CAMK2D: variants seen among roughly 807,000 people sequenced by gnomAD.
The protein encoded by CAMK2D is calcium/calmodulin-dependent protein kinase type II subunit delta.
CAMK2D carries 37 observed loss-of-function variants against 84.0 expected under a neutral mutation model. That is an observed-to-expected ratio of 0.44 (90% confidence interval 0.34 to 0.58). The LOEUF is 0.58. CAMK2D is among the 20% of genes least tolerant of loss of function. CAMK2D has a pLI of 0.02. For missense variants in CAMK2D, 448 were observed against 652.5 expected (o/e 0.69, Z 3.41); for synonymous variants, 202 against 212.5 (o/e 0.95, Z 0.43).
rs2154098164 is a variant in CAMK2D, at chr4:113,453,539, T to C, written c.*1006A>G. 1 of 152,336 alleles carries C rather than the reference T, an allele frequency of 6.6e-6. No individual in the cohort carries two copies. The highest frequency in any genetic ancestry group is 1.5e-5 in the Non-Finnish European group (1 of 68,024). 9.4% of individuals were successfully genotyped at this position (152,336 alleles called of 1,614,324 possible). A position where few individuals can be genotyped will look rare whatever the true frequency, so the allele number is the denominator to read the frequency against. ...CCAAACTAGAGCTTAAGCAGAATTA[T>C]AAACCTTTAAAATCTTGACAACATT... On this transcript the variant is annotated 3_prime_UTR_variant, in exon 21 of 21. Coordinates refer to ENST00000511664, the MANE Select transcript of CAMK2D (RefSeq NM_001321571.2).
intron 16 of CAMK2D, among the ~76,000 whole-genome samples, chr4:113,494,160 C>T (rs1414380254): frequency 6.6e-6 from 1 of 152,244 alleles, no homozygotes; most frequent in Non-Finnish European, 1.5e-5. Context: ...ATTCTCCATC[C>T]AGCTTTGTTC....
chr4:113,715,975 C>A (rs2099512151), intron 2 of CAMK2D, among the ~76,000 whole-genome samples: 1 of 152,124 alleles, frequency 6.6e-6, no homozygotes, highest in Admixed American at 6.5e-5. Context: ...TGCCACATCA[C>A]CGGAGACTGA....
intron 13 of CAMK2D, chr4:113,508,198 T>TTTTC: frequency 2.0e-6 from 3 of 1,471,686 alleles, no homozygotes; most frequent in Non-Finnish European, 2.8e-6. Context: ...TAAGTGTGAA[T>TTTTC]TTTCACAGGA....
chr4:113,492,595 G>C (rs898469091), intron 16 of CAMK2D, among the ~76,000 whole-genome samples: 1 of 151,632 alleles, frequency 6.6e-6, no homozygotes, highest in African/African-American at 2.4e-5. Context: ...GTGTGGTGTG[G>C]TGCTGAAAAA....
intron 2 of CAMK2D, among the ~76,000 whole-genome samples, chr4:113,735,395 A>T (rs571082756): frequency 2.7e-5 from 4 of 148,504 alleles, no homozygotes; most frequent in Non-Finnish European, 4.4e-5. Flanking sequence ...GGATCGCTTG[A>T]GCCCGCGAGG....
chr4:113,503,593 C>G (rs191490565), intron 14 of CAMK2D, among the ~76,000 whole-genome samples: 434 of 152,250 alleles, frequency 2.9e-3, no homozygotes, highest in African/African-American at 9.7e-3. Context: ...AACTAATCTA[C>G]TAATCTAGAA....
In CAMK2D at chr4:113,609,225, A is replaced by C. The variant is rs1312050893; in HGVS notation, c.221-19T>G. 6.9e-7 allele frequency: 1 copy of C among 1,449,870 alleles called. No homozygotes were observed. Among genetic ancestry groups the C allele is most frequent in the Non-Finnish European group, 9.7e-7 (1 of 1,030,686 alleles). 89.8% of individuals were successfully genotyped at this position (1,449,870 alleles called of 1,614,324 possible). A position where few individuals can be genotyped will look rare whatever the true frequency, so the allele number is the denominator to read the frequency against. On this transcript the variant is annotated intron_variant, in intron 3 of 20. Transcript: ENST00000511664. ...AGTCGCACTAGAAAAAAATAAGAGA[A>C]GAAAAATTGTGTTATACCTATTCCA...
intron 6 of CAMK2D, among the ~76,000 whole-genome samples, chr4:113,543,958 A>G (rs996397977): frequency 1.3e-5 from 2 of 151,678 alleles, no homozygotes; most frequent in African/African-American, 2.4e-5. Flanking sequence ...CGCCCCGCTA[A>G]TTTTTTGTAT....
chr4:113,632,224 CATT>C (rs962750376), intron 3 of CAMK2D, among the ~76,000 whole-genome samples: 1 of 151,846 alleles, frequency 6.6e-6, no homozygotes, highest in Non-Finnish European at 1.5e-5. Context: ...TGTGTATTAT[CATT>C]ATTATTATTA....
intron 4 of CAMK2D, among the ~76,000 whole-genome samples, chr4:113,600,041 G>A (rs760405658): frequency 9.9e-5 from 15 of 152,132 alleles, no homozygotes; most frequent in Non-Finnish European, 1.9e-4. Context: ...CAATCTAAAA[G>A]GTTATATACT....
intron 3 of CAMK2D, among the ~76,000 whole-genome samples, chr4:113,615,306 C>T (rs1244240131): frequency 6.6e-6 from 1 of 151,986 alleles, no homozygotes; most frequent in Non-Finnish European, 1.5e-5. Context: ...TTTATATCTA[C>T]ATACACTTTT....
chr4:113,506,030 C>G (rs1300212266), intron 13 of CAMK2D, among the ~76,000 whole-genome samples: 3 of 152,014 alleles, frequency 2.0e-5, no homozygotes, highest in African/African-American at 7.2e-5. Flanking sequence ...ACTATATTAT[C>G]TAGGTATTTT....
chr4:113,510,456 A>T (rs2098195797), intron 12 of CAMK2D, among the ~76,000 whole-genome samples: 2 of 150,488 alleles, frequency 1.3e-5, no homozygotes. Context: ...ATGAAACTTC[A>T]TTTTTTTTGG....
At chr4:113,512,050 G>C (rs1366664322) in intron 12 of CAMK2D, among the ~76,000 whole-genome samples, 1 of 152,180 alleles carries the variant, frequency 6.6e-6, no homozygotes, top group African/African-American at 2.4e-5. Flanking sequence ...TGAAAAAATA[G>C]CTGGACAGTT....
chr4:113,568,123 T>TA (rs1437490342), intron 4 of CAMK2D, among the ~76,000 whole-genome samples: 14 of 152,158 alleles, frequency 9.2e-5, no homozygotes, highest in African/African-American at 2.9e-4. Flanking sequence ...ATTTACTCCT[T>TA]AAAAAATTCT....
At chr4:113,648,680 T>C in intron 3 of CAMK2D, among the ~76,000 whole-genome samples, 1 of 152,184 alleles carries the variant, frequency 6.6e-6, no homozygotes, top group East Asian at 1.9e-4. Context: ...ATGTTGCTTT[T>C]TCAGCAGATA....
chr4:113,649,863 C>T (rs2099166046), intron 3 of CAMK2D, among the ~76,000 whole-genome samples: 1 of 151,950 alleles, frequency 6.6e-6, no homozygotes, highest in Admixed American at 6.6e-5. Flanking sequence ...GGGCAGATCA[C>T]CTGAGATCAG....
At chr4:113,739,502 A>T (rs964585446) in intron 2 of CAMK2D, among the ~76,000 whole-genome samples, 2 of 152,160 alleles carry the variant, frequency 1.3e-5, no homozygotes, top group Non-Finnish European at 2.9e-5. Flanking sequence ...TTTCCACTCA[A>T]TTAAAAGAAA....
chr4:113,678,994 C>G (rs1463313261), intron 2 of CAMK2D, among the ~76,000 whole-genome samples: 1 of 152,104 alleles, frequency 6.6e-6, no homozygotes, highest in African/African-American at 2.4e-5. Context: ...AACCACTATT[C>G]TGATTTCTAA....
Sources: allele counts gnomAD v4.1 joint callset (sites outside exome capture counted in the v4.1 genomes callset), GRCh38; gene constraint gnomAD v4.1.1; transcripts MANE v1.5; gene names NCBI Gene and HGNC (gene_info 2026-07-23, HGNC 2026-07-21).